The following SLC24A4 variants were observed in gnomAD, a reference collection of about 807,000 sequenced individuals.
The protein encoded by SLC24A4 is solute carrier family 24 member 4.
Under a neutral mutation model 79.0 loss-of-function variants are expected in SLC24A4, and 53 were observed. That is an observed-to-expected ratio of 0.67 (90% confidence interval 0.54 to 0.84). SLC24A4 has a LOEUF of 0.84. Among genes scored for constraint, SLC24A4 ranks in the 40% least tolerant of loss-of-function variants. SLC24A4 has a pLI of 0.00. For synonymous variants in SLC24A4, 323 were observed against 323.8 expected, an observed-to-expected ratio of 1.00 and a Z score of 0.03; for missense variants, 731 against 822.0, an observed-to-expected ratio of 0.89 and a Z score of 1.35.
intron 2 of SLC24A4, among the ~76,000 whole-genome samples, chr14:92,341,597 G>A (rs529563172): frequency 6.6e-6 from 1 of 152,360 alleles, no homozygotes; most frequent in African/African-American, 2.4e-5. Context: ...TCACCTGGCT[G>A]CAGGGCCTCC....
intron 9 of SLC24A4, among the ~76,000 whole-genome samples, chr14:92,448,763 C>T (rs958159608): frequency 2.6e-5 from 4 of 152,118 alleles, no homozygotes; most frequent in African/African-American, 4.8e-5. Context: ...GAGGCGAGGC[C>T]GAGCTTCCTT....
At chr14:92,371,659 C>A (rs1394582489) in intron 2 of SLC24A4, among the ~76,000 whole-genome samples, 1 of 152,230 alleles carries the variant, frequency 6.6e-6, no homozygotes, top group African/African-American at 2.4e-5. Context: ...AGAACTGTTT[C>A]TTTTCTTTCA....
intron 12 of SLC24A4, among the ~76,000 whole-genome samples, chr14:92,482,200 G>A (rs1265739198): frequency 6.6e-6 from 1 of 152,264 alleles, no homozygotes; most frequent in African/African-American, 2.4e-5. Context: ...CCAATAAGAT[G>A]CAAAGCACTT....
chr14:92,374,620 T>C (rs905203065), intron 2 of SLC24A4, among the ~76,000 whole-genome samples: 1 of 152,210 alleles, frequency 6.6e-6, no homozygotes, highest in Non-Finnish European at 1.5e-5. Context: ...CCACGTTCCC[T>C]TCCTTAACTC....
rs1555374575 is a variant in SLC24A4 at position 92,474,843 on chromosome 14, G to GTATATATATATATATA, written c.1256-7831_1256-7816dup. Among the ~76,000 whole-genome samples, 29 of 23,880 alleles carry GTATATATATATATATA rather than the reference G, an allele frequency of 1.2e-3. 1 individual carries two copies. The South Asian group carries it at 0.022, about 18-fold the overall frequency. The allele number at this position is 23,880 out of a possible 152,430, so 15.7% of individuals were successfully genotyped here. ...TATACATATATATGTGTGTGTGTGT[G>GTATATATATATATATA]TATATATATATATATATATATTTTT... On this transcript the variant is annotated intron_variant, in intron 12 of 16. Coordinates refer to ENST00000532405, the MANE Select transcript of SLC24A4 (RefSeq NM_153646.4).
At chr14:92,407,654 A>AG (rs1008299678) in intron 2 of SLC24A4, among the ~76,000 whole-genome samples, 45 of 150,572 alleles carry the variant, frequency 3.0e-4, no homozygotes, top group African/African-American at 1.1e-3. Flanking sequence ...GAGAGAGAGA[A>AG]GGGGGAGGTT....
At chr14:92,409,368 G>T (rs565361741) in intron 2 of SLC24A4, among the ~76,000 whole-genome samples, 40 of 152,332 alleles carry the variant, frequency 2.6e-4, no homozygotes, top group African/African-American at 9.4e-4. Flanking sequence ...TTTCTGAAGC[G>T]TAGTGACGGT....
intron 2 of SLC24A4, among the ~76,000 whole-genome samples, chr14:92,385,194 C>T (rs1219023841): frequency 3.3e-5 from 5 of 152,314 alleles, no homozygotes; most frequent in South Asian, 2.1e-4. Flanking sequence ...CCCATGCCTT[C>T]TGTAGATTAT....
In SLC24A4 at chr14:92,474,594, C is replaced by T. The variant is rs935703261; in HGVS notation, c.1256-8086C>T. On this transcript the variant is annotated intron_variant, in intron 12 of 16. Coordinates refer to ENST00000532405, the MANE Select transcript of SLC24A4 (RefSeq NM_153646.4). ...CCACATCCCGGATTCAAGCGATTCT[C>T]CTGCCTCAGCCTCCCAAGTAGCTGG... Among the ~76,000 whole-genome samples, 3 of 151,474 alleles carry T rather than the reference C, an allele frequency of 2.0e-5. No homozygotes were observed. In the South Asian group the frequency reaches 6.2e-4, roughly 32 times the overall value.
intron 2 of SLC24A4, among the ~76,000 whole-genome samples, chr14:92,383,036 C>T (rs916268560): frequency 7.2e-5 from 11 of 152,012 alleles, no homozygotes; most frequent in African/African-American, 2.4e-4. Context: ...TTGGGCCAGG[C>T]CCCCACTGGC....
rs369126421 is a variant in SLC24A4 at position 92,486,805 on chromosome 14, T to C, written c.1537+25T>C. 3.1e-5 allele frequency: 49 copies of C among 1,563,452 alleles called. No individual in the cohort carries two copies. In the African/African-American group the frequency reaches 5.3e-4, roughly 17 times the overall value. On this transcript the variant is annotated intron_variant, in intron 14 of 16. Coordinates refer to ENST00000532405, the MANE Select transcript of SLC24A4 (RefSeq NM_153646.4). ...GGTATGGATTATGCCCCAGCCCTCA[T>C]AGTCATGCAGTGCAGGCCACTGTGT...
At chr14:92,387,205 C>T (rs1463394324) in intron 2 of SLC24A4, among the ~76,000 whole-genome samples, 25 of 148,542 alleles carry the variant, frequency 1.7e-4, no homozygotes, top group Admixed American at 1.5e-3. Flanking sequence ...GAGATGGAGT[C>T]TCGCTGTGTC....
intron 9 of SLC24A4, among the ~76,000 whole-genome samples, chr14:92,448,381 A>ACACACACACACACACACAC (rs1555371204): frequency 2.2e-4 from 7 of 31,788 alleles, no homozygotes; most frequent in Admixed American, 1.1e-3. Context: ...CACACACACA[A>ACACACACACACACACACAC]ATCCCTACTC....
In SLC24A4 at chr14:92,362,436, C is replaced by T. The variant is rs186748159; in HGVS notation, c.241+36458C>T. 3.9e-5 allele frequency among the ~76,000 whole-genome samples: 6 copies of T among 152,312 alleles called. No homozygotes were observed. The East Asian group carries it at 1.2e-3, about 29-fold the overall frequency. On this transcript the variant is annotated intron_variant, in intron 2 of 16. Transcript: ENST00000532405. Reference sequence around the variant, plus strand: ...TCCCCCCAATGTTCACCTCTTGCCACTCTCCAGTGGGCTGGGAGCTGGGTA... The same window carrying T: ...TCCCCCCAATGTTCACCTCTTGCCATTCTCCAGTGGGCTGGGAGCTGGGTA...
At chr14:92,400,482 C>T (rs1198990124) in intron 2 of SLC24A4, among the ~76,000 whole-genome samples, 1 of 148,396 alleles carries the variant, frequency 6.7e-6, no homozygotes, top group Non-Finnish European at 1.5e-5. Context: ...AATACATACA[C>T]ACAGCCGGAG....
chr14:92,359,251 C>T (rs184803836), intron 2 of SLC24A4, among the ~76,000 whole-genome samples: 1 of 152,246 alleles, frequency 6.6e-6, no homozygotes, highest in Non-Finnish European at 1.5e-5. Context: ...CCACTCTTAA[C>T]ACAGCCAGGA....
intron 12 of SLC24A4, among the ~76,000 whole-genome samples, chr14:92,461,739 A>C (rs747221170): frequency 6.6e-6 from 1 of 152,198 alleles, no homozygotes; most frequent in East Asian, 1.9e-4. Context: ...AATTCAGTTC[A>C]TGGCAGGATC....
chr14:92,388,009 T>C (rs79058151), intron 2 of SLC24A4, among the ~76,000 whole-genome samples: 1 of 152,240 alleles, frequency 6.6e-6, no homozygotes, highest in African/African-American at 2.4e-5. Flanking sequence ...TGAATGTGAG[T>C]GTGCAGATGT....
chr14:92,357,121 C>A (rs1226654548), intron 2 of SLC24A4, among the ~76,000 whole-genome samples: 2 of 152,188 alleles, frequency 1.3e-5, no homozygotes. Context: ...TTGAGACTTA[C>A]TCGAGCTGTG....
Sources: allele counts gnomAD v4.1 joint callset (sites outside exome capture counted in the v4.1 genomes callset), GRCh38; gene constraint gnomAD v4.1.1; transcripts MANE v1.5; gene names NCBI Gene and HGNC (gene_info 2026-07-23, HGNC 2026-07-21).